Variants in FSTL4 observed in about 807,000 individuals in gnomAD.
The protein encoded by FSTL4 is follistatin-related protein 4.
FSTL4 carries 28 observed loss-of-function variants against 78.2 expected under a neutral mutation model. The observed-to-expected ratio is 0.36, with a 90% confidence interval of 0.27 to 0.49. The LOEUF (loss-of-function observed/expected upper bound fraction) is 0.49, where lower values mean the gene tolerates loss of function less well. FSTL4 is among the 20% of genes least tolerant of loss of function. The probability of loss-of-function intolerance (pLI) is 0.98; values close to 1 mark genes in which losing one functional copy is unlikely to be tolerated. For missense variants in FSTL4, 922 were observed against 1,084.9 expected, an observed-to-expected ratio of 0.85 and a Z score of 2.11; for synonymous variants, 422 against 440.5, an observed-to-expected ratio of 0.96 and a Z score of 0.53.
Position 133,341,861 on chromosome 5 carries a change from AG to A in FSTL4, c.410-25210del, listed in dbSNP as rs1754589507. ...AACACTAACAGTATCTTATTGATGT[AG>A]CTGTGGCCCTCCAATGTATGACAGT... On this transcript the variant is annotated intron_variant, in intron 4 of 15. Coordinates refer to ENST00000265342, the MANE Select transcript of FSTL4 (RefSeq NM_015082.2). Among the ~76,000 whole-genome samples, 10 of 152,312 alleles carry A rather than the reference AG, an allele frequency of 6.6e-5. No homozygotes were observed. In the South Asian group the frequency reaches 2.1e-3, roughly 32 times the overall value.
chr5:133,557,587 T>A (rs1759815786), intron 3 of FSTL4, among the ~76,000 whole-genome samples: 1 of 152,128 alleles, frequency 6.6e-6, no homozygotes, highest in Admixed American at 6.5e-5. Flanking sequence ...GTCTGTCCAA[T>A]CCCAGTGAGC....
In FSTL4 at chr5:133,198,935, G is replaced by A. The variant is rs1487208220; in HGVS notation, c.*160C>T. 5 of 514,088 alleles carry A rather than the reference G, an allele frequency of 9.7e-6. No homozygotes were observed. The highest frequency in any genetic ancestry group is 3.4e-5 in the Admixed American group (1 of 29,790). The allele number at this position is 514,088 out of a possible 1,614,324, so 31.8% of individuals were successfully genotyped here. A position where few individuals can be genotyped will look rare whatever the true frequency, so the allele number is the denominator to read the frequency against. ...AAAAAACCCCAATCTTGGTAGCAGC[G>A]CATACCTTATACTAGGAAACTTGCA... On this transcript the variant is annotated 3_prime_UTR_variant, in exon 16 of 16. Transcript: ENST00000265342.
chr5:133,768,861 C>G, the FSTL4 span, among the ~76,000 whole-genome samples: 1 of 152,348 alleles, frequency 6.6e-6, no homozygotes, highest in East Asian at 1.9e-4. Context: ...AGCTCCACTG[C>G]TGGGGTACCT....
intron 4 of FSTL4, among the ~76,000 whole-genome samples, chr5:133,386,772 G>T (rs534983592): frequency 3.7e-4 from 57 of 152,130 alleles, no homozygotes; most frequent in Non-Finnish European, 6.0e-4. Flanking sequence ...AAATATGGAC[G>T]TTTTTCTTCC....
chr5:133,839,481 C>T, the FSTL4 span, among the ~76,000 whole-genome samples: 3 of 152,126 alleles, frequency 2.0e-5, no homozygotes, highest in Non-Finnish European at 2.9e-5. Flanking sequence ...AGCAAGAAAA[C>T]TTTGTTTCAT....
At chr5:133,633,529 G>T in the FSTL4 span, among the ~76,000 whole-genome samples, 4 of 151,762 alleles carry the variant, frequency 2.6e-5, no homozygotes, top group African/African-American at 9.7e-5. Flanking sequence ...TTTCAAGTGT[G>T]TTTCTAATTG....
intron 4 of FSTL4, among the ~76,000 whole-genome samples, chr5:133,389,528 C>T (rs1269937363): frequency 6.6e-6 from 1 of 152,200 alleles, no homozygotes; most frequent in African/African-American, 2.4e-5. Flanking sequence ...CCTGCCCCTA[C>T]CCTGGTGTCC....
intron 12 of FSTL4, 87 bp from the exon 13 acceptor site, chr5:133,217,465 G>T: frequency 8.0e-7 from 1 of 1,255,660 alleles, no homozygotes; most frequent in Non-Finnish European, 1.1e-6. Context: ...ACCCTCCTCT[G>T]TGCCTTTCTT....
At chr5:133,817,417 C>T in the FSTL4 span, among the ~76,000 whole-genome samples, 1 of 150,864 alleles carries the variant, frequency 6.6e-6, no homozygotes, top group African/African-American at 2.5e-5. Context: ...AATTGCTTAC[C>T]AGGTGTGGTG....
At chr5:133,659,803 T>TC in the FSTL4 span, among the ~76,000 whole-genome samples, 2 of 151,978 alleles carry the variant, frequency 1.3e-5, no homozygotes, top group Non-Finnish European at 2.9e-5. Context: ...AAGAACTGTT[T>TC]CCCCCCTATC....
intron 6 of FSTL4, among the ~76,000 whole-genome samples, chr5:133,304,832 G>A (rs1237586391): frequency 6.6e-6 from 1 of 152,178 alleles, no homozygotes; most frequent in African/African-American, 2.4e-5. Context: ...TGGTGTAATG[G>A]GGGACAGAGA....
the FSTL4 span, among the ~76,000 whole-genome samples, chr5:133,644,939 G>GCT: frequency 6.6e-6 from 1 of 151,948 alleles, no homozygotes; most frequent in Non-Finnish European, 1.5e-5. Flanking sequence ...AGTGACTATA[G>GCT]CTCCCGACAG....
At chr5:133,428,728 C>T (rs544250774) in intron 3 of FSTL4, among the ~76,000 whole-genome samples, 1 of 152,352 alleles carries the variant, frequency 6.6e-6, no homozygotes, top group South Asian at 2.1e-4. Context: ...ATTGAGGGCT[C>T]TCTCATCCTG....
At chr5:133,384,906 C>T (rs1755662792) in intron 4 of FSTL4, among the ~76,000 whole-genome samples, 1 of 152,222 alleles carries the variant, frequency 6.6e-6, no homozygotes, top group Admixed American at 6.5e-5. Context: ...TGTGGCTCCC[C>T]ATGCTGGCTT....
At chr5:133,255,122 C>A (rs924002026) in intron 6 of FSTL4, among the ~76,000 whole-genome samples, 3 of 152,188 alleles carry the variant, frequency 2.0e-5, no homozygotes, top group Non-Finnish European at 4.4e-5. Context: ...CCCTGGACGA[C>A]CAAACGTGAT....
In FSTL4 at chr5:133,210,278, C is replaced by T; in HGVS notation, c.1629G>A (p.Leu543=). Residue 543 remains leucine, a synonymous_variant, in exon 14 of 16, where the codon CTG becomes CTA. Coordinates refer to ENST00000265342, the MANE Select transcript of FSTL4 (RefSeq NM_015082.2). ...KVLQSIGVDP[L]PAKLSYDKSH... The stretch of plus-strand genomic sequence containing the variant: ...ACTTGTCATAGGACAGCTTAGCCGG[C>T]AGAGGGTCCACACCTATGGACTTGA... The T allele has an allele frequency of 6.2e-7, 1 of 1,607,060 alleles. No homozygotes were observed. Among genetic ancestry groups the T allele is most frequent in the African/African-American group, 1.3e-5 (1 of 74,778 alleles).
intron 6 of FSTL4, among the ~76,000 whole-genome samples, chr5:133,273,975 C>G (rs370815293): frequency 1.3e-5 from 2 of 152,168 alleles, no homozygotes; most frequent in Admixed American, 1.3e-4. Flanking sequence ...CTGCTGCATC[C>G]CACAAGGAAA....
At chr5:133,532,477 C>T (rs916183448) in intron 3 of FSTL4, among the ~76,000 whole-genome samples, 2 of 152,164 alleles carry the variant, frequency 1.3e-5, no homozygotes, top group African/African-American at 2.4e-5. Context: ...GGCAAAGCCT[C>T]TATTGTAGAA....
chr5:133,752,617 A>AT, the FSTL4 span, among the ~76,000 whole-genome samples: 462 of 151,030 alleles, frequency 3.1e-3, 2 homozygotes, highest in African/African-American at 0.011. Context: ...CTCAAATAAA[A>AT]TAAAATAAAA....
Sources: allele counts gnomAD v4.1 joint callset (sites outside exome capture counted in the v4.1 genomes callset), GRCh38; gene constraint gnomAD v4.1.1; transcripts MANE v1.5; gene names NCBI Gene and HGNC (gene_info 2026-07-23, HGNC 2026-07-21).